Variants in NELL2 observed in about 807,000 individuals in gnomAD.
NELL2 encodes the protein neural EGFL like 2.
Under a neutral mutation model 109.6 loss-of-function variants are expected in NELL2, and 41 were observed. That is an observed-to-expected ratio of 0.37 (90% CI 0.29 to 0.49). The LOEUF is 0.49. Ranked by LOEUF, NELL2 falls within the 20% of genes least tolerant of loss-of-function variation. NELL2 has a pLI of 0.98. For missense variants in NELL2, 900 were observed against 1,008.3 expected (o/e 0.89, Z 1.45); for synonymous variants, 355 against 344.7 (o/e 1.03, Z -0.33).
chr12:44,744,779 A>C (rs1205030375), intron 9 of NELL2, among the ~76,000 whole-genome samples: 3 of 152,242 alleles, frequency 2.0e-5, no homozygotes, highest in African/African-American at 7.2e-5. Flanking sequence ...TGAATAGACC[A>C]ATAACAGGCT....
chr12:44,855,439 G>A (rs755849717), intron 2 of NELL2, among the ~76,000 whole-genome samples: 1 of 152,272 alleles, frequency 6.6e-6, no homozygotes, highest in South Asian at 2.1e-4. Flanking sequence ...ATACATGACT[G>A]TCCTTCCAAA....
At position 44,833,683 on chromosome 12, in the gene NELL2, T is replaced by A. The variant is rs150556848; in HGVS notation, c.185-17547A>T. 6.3e-3 allele frequency among the ~76,000 whole-genome samples: 954 copies of A among 152,228 alleles called. 14 individuals are homozygous for A. Among genetic ancestry groups the A allele is most frequent in the African/African-American group, 0.022 (907 of 41,538 alleles). On this transcript the variant is annotated intron_variant, in intron 2 of 19. Transcript: ENST00000429094. ...CTGTGTAAGAATAAGTTACTCCCCT[T>A]CCCTCCTAATTCTCCACTGAAGCAA...
chr12:44,827,226 C>T (rs982085142), intron 2 of NELL2, among the ~76,000 whole-genome samples: 3 of 151,984 alleles, frequency 2.0e-5, no homozygotes, highest in Admixed American at 6.6e-5. Context: ...TATAGGCATG[C>T]GATGATATTG....
In NELL2 at chr12:44,819,842, C is replaced by A. The variant is rs114663053; in HGVS notation, c.185-3706G>T. Among the ~76,000 whole-genome samples the A allele has an allele frequency of 4.8e-3, 738 of 152,222 alleles. 6 individuals are homozygous for A. The highest frequency in any genetic ancestry group is 0.017 in the African/African-American group (695 of 41,542). On this transcript the variant is annotated intron_variant, in intron 2 of 19. Coordinates refer to ENST00000429094, the MANE Select transcript of NELL2 (RefSeq NM_001145108.2). ...TCTGCTTATGCTACAGGGATAAGAA[C>A]AATAATATTCTTTTTTTCTTTCATC...
chr12:44,725,922 T>C (rs1288621516), intron 9 of NELL2, among the ~76,000 whole-genome samples: 2 of 152,130 alleles, frequency 1.3e-5, no homozygotes, highest in African/African-American at 4.8e-5. Flanking sequence ...ACCTGGGTGA[T>C]GAAATACTAT....
chr12:44,570,721 A>G (rs1488553870), intron 15 of NELL2, among the ~76,000 whole-genome samples: 2 of 152,166 alleles, frequency 1.3e-5, no homozygotes, highest in Non-Finnish European at 2.9e-5. Context: ...AAAATATAAT[A>G]TAATACTCTG....
chr12:44,755,214 C>G (rs1243626211), intron 9 of NELL2, among the ~76,000 whole-genome samples: 1 of 152,106 alleles, frequency 6.6e-6, no homozygotes, highest in Admixed American at 6.6e-5. Context: ...AGGGTAGCTG[C>G]AAATTCTTTT....
At chr12:44,919,948 C>A (rs907619198) in intron 1 of NELL2, among the ~76,000 whole-genome samples, 1 of 152,128 alleles carries the variant, frequency 6.6e-6, no homozygotes, top group African/African-American at 2.4e-5. Context: ...CATAGCCATG[C>A]ATTCATAAGC....
chr12:44,583,309 C>T (rs1049665233), intron 15 of NELL2, among the ~76,000 whole-genome samples: 1 of 152,230 alleles, frequency 6.6e-6, no homozygotes, highest in African/African-American at 2.4e-5. Context: ...CTAATGTTCA[C>T]ACTCTGTCAC....
At chr12:44,818,349 T>C (rs1423459784) in intron 2 of NELL2, among the ~76,000 whole-genome samples, 3 of 152,250 alleles carry the variant, frequency 2.0e-5, no homozygotes, top group Non-Finnish European at 2.9e-5. Flanking sequence ...ATAAATATTA[T>C]GCTTCTCCTC....
intron 15 of NELL2, among the ~76,000 whole-genome samples, chr12:44,539,166 G>C (rs1200853380): frequency 6.6e-6 from 1 of 151,720 alleles, no homozygotes; most frequent in Non-Finnish European, 1.5e-5. Context: ...TTTTCTTTTT[G>C]CCTAAACTTG....
chr12:44,614,424 T>C (rs779492159), intron 13 of NELL2, among the ~76,000 whole-genome samples: 2 of 152,092 alleles, frequency 1.3e-5, no homozygotes, highest in African/African-American at 4.8e-5. Flanking sequence ...TATAATTGTA[T>C]AGTGATAGTT....
chr12:44,816,163 G>A, intron 2 of NELL2, 27 bp from the exon 3 acceptor site: 1 of 1,528,056 alleles, frequency 6.5e-7, no homozygotes. Flanking sequence ...CATATACTAA[G>A]AATAGTAGAA....
chr12:44,878,003 C>T (rs546873667), upstream of NELL2, among the ~76,000 whole-genome samples: 2 of 152,186 alleles, frequency 1.3e-5, no homozygotes, highest in East Asian at 3.9e-4. Flanking sequence ...AGAAGCTACA[C>T]GAAATAAATT....
intron 10 of NELL2, among the ~76,000 whole-genome samples, chr12:44,712,647 C>T (rs1182885215): frequency 6.6e-6 from 1 of 151,892 alleles, no homozygotes; most frequent in Non-Finnish European, 1.5e-5. Flanking sequence ...AACTGTGGAA[C>T]ACCTTAAAGT....
At chr12:44,901,169 GAA>G (rs1466937531) in intron 1 of NELL2, among the ~76,000 whole-genome samples, 2 of 151,822 alleles carry the variant, frequency 1.3e-5, no homozygotes, top group Admixed American at 1.3e-4. Context: ...TAATAAAGAA[GAA>G]AAGAGAGAAG....
In NELL2 at chr12:44,613,339, T is replaced by C. The variant is rs145611278; in HGVS notation, c.1445-2369A>G. On this transcript the variant is annotated intron_variant, in intron 13 of 19. Transcript: ENST00000429094. ...CCAGATTTTTGTATTTTTCTTTGTA[T>C]CTCATTTAAACATTCAAAGAAGGTT... is the stretch of plus-strand genomic sequence containing the variant. Among the ~76,000 whole-genome samples, 299 of 152,198 alleles carry C rather than the reference T, an allele frequency of 2.0e-3. 2 individuals carry two copies. Among genetic ancestry groups the C allele is most frequent in the African/African-American group, 6.7e-3 (279 of 41,526 alleles).
chr12:44,860,865 A>T (rs987186724), intron 2 of NELL2, among the ~76,000 whole-genome samples: 1 of 152,312 alleles, frequency 6.6e-6, no homozygotes, highest in South Asian at 2.1e-4. Flanking sequence ...CCAAAGATTC[A>T]CATCCATTGT....
chr12:44,558,949 G>A (rs972619583), intron 15 of NELL2, among the ~76,000 whole-genome samples: 11 of 152,182 alleles, frequency 7.2e-5, no homozygotes, highest in Admixed American at 6.5e-5. Flanking sequence ...TGCCAGCACA[G>A]CAGTCTGAAG....
Sources: allele counts gnomAD v4.1 joint callset (sites outside exome capture counted in the v4.1 genomes callset), GRCh38; gene constraint gnomAD v4.1.1; transcripts MANE v1.5; gene names NCBI Gene and HGNC (gene_info 2026-07-23, HGNC 2026-07-21).